The following PSD4 variants were observed in gnomAD, a reference collection of about 807,000 sequenced individuals.
The protein encoded by PSD4 is pleckstrin and Sec7 domain containing 4.
PSD4 carries 59 observed loss-of-function variants against 112.5 expected under a neutral mutation model. The observed-to-expected ratio is 0.52, with a 90% confidence interval of 0.43 to 0.65. The LOEUF is 0.65. Among genes scored for constraint, PSD4 ranks in the 30% least tolerant of loss-of-function variants. The pLI is 0.00. For missense variants in PSD4, 1,267 were observed against 1,352.6 expected (o/e 0.94, Z 0.99); for synonymous variants, 533 against 540.0 (o/e 0.99, Z 0.18).
At chr2:113,191,895 C>T (rs1688448349) in intron 5 of PSD4, among the ~76,000 whole-genome samples, 1 of 152,088 alleles carries the variant, frequency 6.6e-6, no homozygotes, top group Non-Finnish European at 1.5e-5. Context: ...CAGCTGCTGC[C>T]ATTACTAGAG....
intron 5 of PSD4, 67 bp downstream of exon 5, chr2:113,186,322 G>A (rs1439016849): frequency 4.1e-6 from 6 of 1,461,146 alleles, no homozygotes; most frequent in Admixed American, 2.2e-5. Context: ...TTCTAGTCTG[G>A]ATGGAGGGTG....
At chr2:113,180,670 G>A (rs897645621) in intron 1 of PSD4, among the ~76,000 whole-genome samples, 8 of 143,162 alleles carry the variant, frequency 5.6e-5, no homozygotes, top group African/African-American at 7.5e-5. Flanking sequence ...GTTAAACAGC[G>A]ACACGCAGGG....
chr2:113,201,482 G>A lies in PSD4; in HGVS notation c.*67G>A. 1.3e-6 allele frequency: 2 copies of A among 1,574,888 alleles called. No individual in the cohort carries two copies. Among genetic ancestry groups the A allele is most frequent in the Non-Finnish European group, 1.7e-6 (2 of 1,159,274 alleles). On this transcript the variant is annotated 3_prime_UTR_variant, in exon 17 of 17. Coordinates refer to ENST00000245796, the MANE Select transcript of PSD4 (RefSeq NM_012455.3). ...AGACCTGAGATGAACCTCCCTGGAG[G>A]AGACTTATTTCAATGAGTCCACCAT... is the stretch of plus-strand genomic sequence containing the variant.
intron 14 of PSD4, chr2:113,198,222 T>A: frequency 2.8e-6 from 1 of 352,874 alleles, no homozygotes; most frequent in Non-Finnish European, 5.1e-6. Flanking sequence ...ATTGACCATA[T>A]CTGGCATTTG....
At chr2:113,184,903 C>G (rs569862073) in intron 2 of PSD4, 54 bp from the exon 3 acceptor site, 88 of 1,606,134 alleles carry the variant, frequency 5.5e-5, no homozygotes, top group Admixed American at 2.2e-4. Flanking sequence ...GAGCAATTTT[C>G]CTCTAGTCAC....
In PSD4 at chr2:113,185,653, A is replaced by G. The variant is rs539713306; in HGVS notation, c.1249+213A>G. On this transcript the variant is annotated intron_variant, in intron 4 of 16. Coordinates refer to ENST00000245796, the MANE Select transcript of PSD4 (RefSeq NM_012455.3). ...CAGCATTTCTTACCGCTGGGTCTTA[A>G]TGGTTTAGCAAAGGTCCTGAGCCCT... 3.6e-4 allele frequency: 559 copies of G among 1,547,640 alleles called. 2 individuals carry two copies. In the African/African-American group the frequency reaches 5.9e-3, roughly 16 times the overall value.
chr2:113,195,663 A>G (rs1688586657), intron 10 of PSD4, 64 bp from the exon 11 acceptor site: 1 of 1,596,274 alleles, frequency 6.3e-7, no homozygotes, highest in Non-Finnish European at 8.6e-7. Flanking sequence ...CCTCTGCCAG[A>G]CAAAGAGACT....
At chr2:113,196,653 G>A in intron 12 of PSD4, 1 of 202,518 alleles carries the variant, frequency 4.9e-6, no homozygotes, top group African/African-American at 2.3e-5. Context: ...AAAGGTTTTT[G>A]GTTTTGTTTT....
intron 12 of PSD4, 148 bp downstream of exon 12, chr2:113,196,455 C>T: frequency 9.7e-7 from 1 of 1,033,496 alleles, no homozygotes; most frequent in African/African-American, 1.6e-5. Context: ...GCGTACTGAA[C>T]AGTGACCATG....
chr2:113,185,816 G>T, intron 4 of PSD4, 61 bp from the exon 5 acceptor site: 1 of 1,564,394 alleles, frequency 6.4e-7, no homozygotes, highest in Non-Finnish European at 8.7e-7. Context: ...TCTGGAGGTG[G>T]TGCCCAGGCC....
At chr2:113,187,058 G>A (rs1398076611) in intron 5 of PSD4, among the ~76,000 whole-genome samples, 1 of 152,186 alleles carries the variant, frequency 6.6e-6, no homozygotes, top group African/African-American at 2.4e-5. Flanking sequence ...TGAATGGTGG[G>A]GCCCGGAGGA....
At chr2:113,186,561 A>G (rs975726389) in intron 5 of PSD4, among the ~76,000 whole-genome samples, 1 of 152,164 alleles carries the variant, frequency 6.6e-6, no homozygotes, top group Non-Finnish European at 1.5e-5. Context: ...TGTCCAGGGA[A>G]CCTGAGCAAG....
chr2:113,182,851 C>G lies in PSD4; in HGVS notation c.395C>G (p.Pro132Arg), dbSNP rs1270760475. Residue 132 changes from proline to arginine, a missense_variant, in exon 2 of 17, where the codon CCA becomes CGA. Around this residue, in one of 2 missense-constraint regions of PSD4, gnomAD observed 723 missense variants for 704.0 expected, o/e 1.03. Transcript: ENST00000245796. ...QREHRQNTAS[P>R]GSPVNSHLPG... ...GAGCACAGGCAGAACACAGCATCAC[C>G]AGGGTCACCAGTGAACAGCCATCTA... 3 of 1,613,810 alleles carry G rather than the reference C, an allele frequency of 1.9e-6. No homozygotes were observed. The African/African-American group carries it at 4.0e-5, about 22-fold the overall frequency.
At chr2:113,195,626 G>T (rs1688585889) in intron 10 of PSD4, 101 bp from the exon 11 acceptor site, 6 of 1,269,898 alleles carry the variant, frequency 4.7e-6, no homozygotes, top group Non-Finnish European at 5.7e-6. Context: ...GGTGGAGGAG[G>T]CAGGCTGTAC....
chr2:113,203,095 A>C lies in PSD4; in HGVS notation c.*1680A>C, dbSNP rs1688813488. 6.6e-6 allele frequency: 1 copy of C among 152,312 alleles called. No homozygotes were observed. The highest frequency in any genetic ancestry group is 1.5e-5 in the Non-Finnish European group (1 of 68,072). 9.4% of individuals were successfully genotyped at this position (152,312 alleles called of 1,614,324 possible). On this transcript the variant is annotated 3_prime_UTR_variant, in exon 17 of 17. Coordinates refer to ENST00000245796, the MANE Select transcript of PSD4 (RefSeq NM_012455.3). ...CACGGTCATAGGCCATCAAAGCTGGAGGAGACCTCAGAATCATTCATTCAC... is the reference window on the plus strand; with the variant it reads ...CACGGTCATAGGCCATCAAAGCTGGCGGAGACCTCAGAATCATTCATTCAC...
chr2:113,183,027 C>T lies in PSD4; in HGVS notation c.571C>T (p.Pro191Ser), dbSNP rs746903956. ...TGGGCTGAAATGCTGTCTCCCCACG[C>T]CCCCTGTGGACCTCCCCGGGGACAC... Reference protein sequence around the residue: ...KAGLKCCLPTPPVDLPGDTGL... With the variant: ...KAGLKCCLPTSPVDLPGDTGL... The change falls in exon 2 of 17, where the codon CCC (proline) becomes TCC (serine). Residue 191 changes from proline to serine, a missense_variant. Around this residue, in one of 2 missense-constraint regions of PSD4, gnomAD observed 723 missense variants for 704.0 expected, o/e 1.03. Coordinates refer to ENST00000245796, the MANE Select transcript of PSD4 (RefSeq NM_012455.3). The T allele has an allele frequency of 6.2e-7, 1 of 1,613,932 alleles. No homozygotes were observed. Among genetic ancestry groups the T allele is most frequent in the Non-Finnish European group, 8.5e-7 (1 of 1,179,904 alleles).
chr2:113,196,291 T>C lies in PSD4; in HGVS notation c.2370T>C (p.Asp790=). 6.2e-7 allele frequency: 1 copy of C among 1,613,480 alleles called. No homozygotes were observed. Among genetic ancestry groups the C allele is most frequent in the South Asian group, 1.1e-5 (1 of 91,048 alleles). The part of the protein sequence containing the change: ...QGILARKMHQ[D]ADGKKTPWGK... ...TCCTGGCTCGGAAAATGCATCAAGA[T>C]GCAGACGGCAAGAAGAGTGAGTGTC... is the stretch of plus-strand genomic sequence containing the variant. The change falls in exon 12 of 17, where the codon GAT becomes GAC. Residue 790 remains aspartate, a synonymous_variant. Transcript: ENST00000245796.
At chr2:113,201,094 A>G (rs1259713353) in intron 16 of PSD4, 64 bp from the exon 17 acceptor site, 6 of 1,549,732 alleles carry the variant, frequency 3.9e-6, no homozygotes, top group Non-Finnish European at 4.4e-6. Context: ...GTCCCTCACG[A>G]TTCTAGCCTC....
At position 113,197,868 on chromosome 2, in the gene PSD4, T is replaced by C; in HGVS notation, c.2579T>C (p.Phe860Ser). 6.2e-7 allele frequency: 1 copy of C among 1,606,582 alleles called. No homozygotes were observed. Among genetic ancestry groups the C allele is most frequent in the Non-Finnish European group, 8.5e-7 (1 of 1,175,112 alleles). The change falls in exon 14 of 17, where the codon TTC (phenylalanine) becomes TCC (serine). Residue 860 changes from phenylalanine to serine, a missense_variant. Around this residue, in one of 2 missense-constraint regions of PSD4, gnomAD observed 544 missense variants for 648.6 expected, o/e 0.84. Transcript: ENST00000245796. Reference sequence around the variant, plus strand: ...CATTACACCAAGAAGCCGCACGTCTTCCAGCTGCGCACGGCTGACTGGCGC... The same window carrying C: ...CATTACACCAAGAAGCCGCACGTCTCCCAGCTGCGCACGGCTGACTGGCGC... ...ATHYTKKPHV[F>S]QLRTADWRLY...
Sources: gnomAD v4.1 joint callset for allele counts (sites outside exome capture counted in the v4.1 genomes callset) on GRCh38, gnomAD v4.1.1 for gene constraint, gnomAD v4.1.1 regional missense constraint, MANE v1.5 for transcripts, NCBI Gene and HGNC (gene_info 2026-07-23, HGNC 2026-07-21) for gene names.